Variants in SLC23A2 observed in about 807,000 individuals in gnomAD.
SLC23A2 encodes the protein solute carrier family 23 member 2.
In SLC23A2, 36 loss-of-function variants were observed where a neutral mutation model predicts 73.3. The ratio of observed to expected loss-of-function variants is 0.49; its 90% CI spans 0.38 to 0.65. The LOEUF (loss-of-function observed/expected upper bound fraction) is 0.65. Ranked by LOEUF, SLC23A2 falls within the 30% of genes least tolerant of loss-of-function variation. SLC23A2 has a pLI of 0.00. For missense variants in SLC23A2, 507 were observed against 841.6 expected (o/e 0.60, Z 4.92); for synonymous variants, 343 against 327.3 (o/e 1.05, Z -0.52).
In SLC23A2 at chr20:4,902,777, T is replaced by C. The variant is rs796583179; in HGVS notation, c.208-219A>G. ...ATCCTCAGAATTTGGGGGGTCAGCG[T>C]CCTTGGGCAACATCTCATCCCTGAG... is the stretch of plus-strand genomic sequence containing the variant. On this transcript the variant is annotated intron_variant, in intron 4 of 16. Coordinates refer to ENST00000338244, the MANE Select transcript of SLC23A2 (RefSeq NM_005116.6). The surrounding 1 kb of genome is among the most constrained non-coding windows in gnomAD (Gnocchi z 4.0). Among the ~76,000 whole-genome samples, 5 of 152,118 alleles carry C rather than the reference T, an allele frequency of 3.3e-5. No individual in the cohort carries two copies. The highest frequency in any genetic ancestry group is 1.2e-4 in the African/African-American group (5 of 41,498).
intron 2 of SLC23A2, among the ~76,000 whole-genome samples, chr20:4,956,678 C>T (rs1381325453): frequency 6.6e-6 from 1 of 152,050 alleles, no homozygotes; most frequent in Non-Finnish European, 1.5e-5. Context: ...TTAAGTTGGG[C>T]ACACAACCAA....
intron 2 of SLC23A2, among the ~76,000 whole-genome samples, chr20:4,937,976 C>A (rs904889687): frequency 1.3e-5 from 2 of 152,118 alleles, no homozygotes; most frequent in Non-Finnish European, 2.9e-5. Flanking sequence ...GCACACATCA[C>A]CATGGTCTCT....
In SLC23A2 at chr20:4,947,051, C is replaced by T. The variant is rs565003707; in HGVS notation, c.-154-14335G>A. On this transcript the variant is annotated intron_variant, in intron 2 of 16. Coordinates refer to ENST00000338244, the MANE Select transcript of SLC23A2 (RefSeq NM_005116.6). The surrounding 1 kb of genome is among the most constrained non-coding windows in gnomAD (Gnocchi z 4.4). ...TCCTCAGTGCCAGGTGCTGCCCACA[C>T]TGCCCACGCTGACCTCCAGAGTTCC... 1.2e-3 allele frequency among the ~76,000 whole-genome samples: 179 copies of T among 152,308 alleles called. No individual in the cohort carries two copies. The highest frequency in any genetic ancestry group is 4.2e-3 in the African/African-American group (174 of 41,566).
intron 13 of SLC23A2, among the ~76,000 whole-genome samples, chr20:4,865,789 C>A (rs994117017): frequency 6.6e-6 from 1 of 151,992 alleles, no homozygotes; most frequent in South Asian, 2.1e-4. Context: ...TTGCATGTAG[C>A]CTACACACAT....
At chr20:4,955,363 AC>A (rs2087268511) in intron 2 of SLC23A2, among the ~76,000 whole-genome samples, 2 of 94,894 alleles carry the variant, frequency 2.1e-5, no homozygotes, top group Non-Finnish European at 1.8e-5. Context: ...TAAAACACAC[AC>A]ACACACACAC....
At chr20:4,909,321 T>C (rs75545195) in intron 4 of SLC23A2, among the ~76,000 whole-genome samples, 2,709 of 152,300 alleles carry the variant, frequency 0.018, 42 homozygotes, top group Non-Finnish European at 0.028. Flanking sequence ...ATTTCAGATA[T>C]TGGAACATTG....
intron 1 of SLC23A2, among the ~76,000 whole-genome samples, chr20:4,987,869 A>G (rs1436843585): frequency 6.6e-6 from 1 of 151,850 alleles, no homozygotes; most frequent in African/African-American, 2.4e-5. Flanking sequence ...TATGTATGAG[A>G]CTGTAATCTG....
chr20:4,896,775 C>T (rs992817793), intron 6 of SLC23A2, among the ~76,000 whole-genome samples: 1 of 152,220 alleles, frequency 6.6e-6, no homozygotes, highest in South Asian at 2.1e-4. Flanking sequence ...CAAGTAACGT[C>T]CTTCAAGGCA....
rs563953322 is a variant in SLC23A2 at position 4,974,606 on chromosome 20, C to T, written c.-281-3687G>A. Among the ~76,000 whole-genome samples the T allele has an allele frequency of 3.3e-5, 5 of 152,274 alleles. No homozygotes were observed. In the South Asian group the frequency reaches 6.2e-4, roughly 19 times the overall value. On this transcript the variant is annotated intron_variant, in intron 1 of 16. Transcript: ENST00000338244. ...GCAAACTCAAACACTACATATTCTT[C>T]ATGCTTTGGCATTTTGTTTTTTAAG...
chr20:4,880,619 C>T (rs901856846), intron 9 of SLC23A2, among the ~76,000 whole-genome samples: 10 of 151,968 alleles, frequency 6.6e-5, no homozygotes, highest in African/African-American at 1.9e-4. Flanking sequence ...AGATAGAAAA[C>T]AGGAGAGGAA....
intron 3 of SLC23A2, among the ~76,000 whole-genome samples, chr20:4,920,913 G>T (rs996328344): frequency 3.9e-5 from 6 of 152,208 alleles, no homozygotes; most frequent in African/African-American, 1.4e-4. Context: ...GTATGATGCA[G>T]TATCTTTGAT....
At chr20:4,923,134 T>G (rs1324004817) in intron 3 of SLC23A2, among the ~76,000 whole-genome samples, 1 of 151,460 alleles carries the variant, frequency 6.6e-6, no homozygotes, top group Non-Finnish European at 1.5e-5. Context: ...GGACTGGGTG[T>G]GGTGGCTTAT....
intron 1 of SLC23A2, among the ~76,000 whole-genome samples, chr20:4,985,133 C>T (rs1200435536): frequency 3.7e-5 from 3 of 81,314 alleles, no homozygotes; most frequent in African/African-American, 1.1e-4. Context: ...AAGACTCCGT[C>T]TCCAAAAAAA....
At chr20:4,874,391 T>C (rs1005031493) in intron 10 of SLC23A2, among the ~76,000 whole-genome samples, 185 bp downstream of exon 10, 1 of 152,214 alleles carries the variant, frequency 6.6e-6, no homozygotes, top group African/African-American at 2.4e-5. Flanking sequence ...GCTAAAAGGA[T>C]GTGCTCCCAT....
intron 1 of SLC23A2, among the ~76,000 whole-genome samples, chr20:5,009,572 C>T (rs1243802474): frequency 2.6e-5 from 4 of 152,198 alleles, no homozygotes; most frequent in African/African-American, 7.2e-5. Flanking sequence ...CAGCTCCTCA[C>T]GTGGTGCCTA....
At chr20:4,977,380 T>C (rs940913022) in intron 1 of SLC23A2, among the ~76,000 whole-genome samples, 1 of 151,266 alleles carries the variant, frequency 6.6e-6, no homozygotes, top group Non-Finnish European at 1.5e-5. Flanking sequence ...ATTATTATTA[T>C]TTTTTTTTAA....
rs112512053 is a variant in SLC23A2 at position 5,006,589 on chromosome 20, G to A, written c.-282+3593C>T. ...TTTATTTATTTATTTATTTTGAGAC[G>A]GAGTCTTGCTCTGTTGGCCAGGCTG... On this transcript the variant is annotated intron_variant, in intron 1 of 16. Coordinates refer to the SLC23A2 transcript ENST00000379333. 9.7e-3 allele frequency among the ~76,000 whole-genome samples: 1,347 copies of A among 139,568 alleles called. 30 individuals carry two copies. The highest frequency in any genetic ancestry group is 0.036 in the African/African-American group (1,276 of 35,828). 91.6% of individuals were successfully genotyped at this position (139,568 alleles called of 152,430 possible). A position where few individuals can be genotyped will look rare whatever the true frequency, so the allele number is the denominator to read the frequency against.
intron 2 of SLC23A2, among the ~76,000 whole-genome samples, chr20:4,935,410 AATTC>A (rs1247935174): frequency 2.0e-5 from 3 of 152,058 alleles, no homozygotes; most frequent in African/African-American, 7.2e-5. Context: ...TACAGGTCCT[AATTC>A]ATTCATCACA....
rs1600066656 is a variant in SLC23A2 at position 4,856,237 on chromosome 20, GAA to G, written c.*733_*734del. The G allele has an allele frequency of 6.6e-6, 1 of 152,254 alleles. No individual in the cohort carries two copies. The highest frequency in any genetic ancestry group is 1.9e-4 in the East Asian group (1 of 5,188). 9.4% of individuals were successfully genotyped at this position (152,254 alleles called of 1,614,324 possible). A position where few individuals can be genotyped will look rare whatever the true frequency, so the allele number is the denominator to read the frequency against. ...AGGGTGTCTCGGCCACTAGTGAAAT[GAA>G]AAGAGGCCAGTGTGCACGTGCTGGC... On this transcript the variant is annotated 3_prime_UTR_variant, in exon 17 of 17. Transcript: ENST00000338244. The surrounding 1 kb of genome is among the most constrained non-coding windows in gnomAD (Gnocchi z 4.6).
Sources: gnomAD v4.1 joint callset for allele counts (sites outside exome capture counted in the v4.1 genomes callset) on GRCh38, gnomAD v4.1.1 for gene constraint, Gnocchi (gnomAD v3.1) non-coding constraint, MANE v1.5 for transcripts, NCBI Gene and HGNC (gene_info 2026-07-23, HGNC 2026-07-21) for gene names.